The following UNC80 variants were observed in gnomAD, a reference collection of about 807,000 sequenced individuals.
The protein encoded by UNC80 is protein unc-80 homolog.
UNC80 carries 164 observed loss-of-function variants against 384.6 expected under a neutral mutation model. The ratio of observed to expected loss-of-function variants is 0.43; its 90% CI spans 0.38 to 0.49. UNC80 has a LOEUF of 0.49. Ranked by LOEUF, UNC80 falls within the 20% of genes least tolerant of loss-of-function variation. UNC80 has a pLI of 0.00. For synonymous variants in UNC80, 1,486 were observed against 1,527.8 expected (o/e 0.97, Z 0.64); for missense variants, 3,330 against 4,143.0 (o/e 0.80, Z 5.39).
chr2:209,812,216 ATTTTT>A (rs796729702), intron 7 of UNC80, among the ~76,000 whole-genome samples: 2 of 137,602 alleles, frequency 1.5e-5, no homozygotes, highest in African/African-American at 5.3e-5. Flanking sequence ...AGAGCGGCTA[ATTTTT>A]TTTTTTTTTT....
chr2:209,800,074 G>T (rs2078440567), intron 7 of UNC80, among the ~76,000 whole-genome samples: 3 of 152,126 alleles, frequency 2.0e-5, no homozygotes, highest in South Asian at 2.1e-4. Flanking sequence ...GATGATGCTG[G>T]CTTCATAAAT....
At chr2:209,934,123 T>C (rs774550231) in intron 39 of UNC80, 118 bp downstream of exon 39, 5 of 990,938 alleles carry the variant, frequency 5.0e-6, no homozygotes, top group Non-Finnish European at 5.7e-6. Context: ...ACCCCCAGTA[T>C]TGAGTGCTTC....
At chr2:209,946,382 AG>A (rs2091918423) in intron 47 of UNC80, among the ~76,000 whole-genome samples, 1 of 150,792 alleles carries the variant, frequency 6.6e-6, no homozygotes, top group African/African-American at 2.4e-5. Flanking sequence ...AAAAAAAAAA[AG>A]AAAGAAAGAA....
rs1156428874 is a variant in UNC80 at position 209,955,738 on chromosome 2, TACAC to T, written c.7457+1486_7457+1489del. The stretch of plus-strand genomic sequence containing the variant: ...ATATATATATATATATATATATATA[TACAC>T]ACACACACACACACACAGAGAGAGA... On this transcript the variant is annotated intron_variant, in intron 48 of 64. Transcript: ENST00000673920. Among the ~76,000 whole-genome samples the T allele has an allele frequency of 5.5e-3, 293 of 53,326 alleles. 4 individuals carry two copies. Among genetic ancestry groups the T allele is most frequent in the African/African-American group, 8.7e-3 (85 of 9,756 alleles). 35.0% of individuals were successfully genotyped at this position (53,326 alleles called of 152,430 possible). A position where few individuals can be genotyped will look rare whatever the true frequency, so the allele number is the denominator to read the frequency against.
chr2:209,801,696 T>TG (rs975181294), intron 7 of UNC80, among the ~76,000 whole-genome samples: 2 of 150,326 alleles, frequency 1.3e-5, no homozygotes, highest in Non-Finnish European at 3.0e-5. Context: ...CTGCTTTTTT[T>TG]TTTTTTTTTT....
At chr2:209,907,082 A>C (rs1011211069) in intron 29 of UNC80, among the ~76,000 whole-genome samples, 10 of 152,174 alleles carry the variant, frequency 6.6e-5, no homozygotes, top group Non-Finnish European at 1.0e-4. Flanking sequence ...AGTGTTAAGC[A>C]CAGGGCCTAC....
intron 20 of UNC80, among the ~76,000 whole-genome samples, chr2:209,842,029 ACT>A (rs2081796399): frequency 6.6e-6 from 1 of 152,202 alleles, no homozygotes; most frequent in Non-Finnish European, 1.5e-5. Flanking sequence ...GTAAAGAATG[ACT>A]ATGTCTCGCT....
intron 22 of UNC80, among the ~76,000 whole-genome samples, chr2:209,866,484 GCACCCCCACACACACA>G (rs1343879913): frequency 3.0e-4 from 23 of 76,168 alleles, no homozygotes; most frequent in African/African-American, 1.0e-3. Context: ...AATACAAAAT[GCACCCCCACACACACA>G]CACACACACA....
chr2:209,898,259 G>C (rs894522742), intron 28 of UNC80, among the ~76,000 whole-genome samples: 27 of 151,702 alleles, frequency 1.8e-4, no homozygotes, highest in African/African-American at 6.5e-4. Context: ...CTTTTTTTGA[G>C]TTTAATTTGT....
chr2:209,771,920 GA>G lies in UNC80; in HGVS notation c.-152del. 3.1e-6 allele frequency: 2 copies of G among 638,420 alleles called. No individual in the cohort carries two copies. Among genetic ancestry groups the G allele is most frequent in the Non-Finnish European group, 5.9e-6 (2 of 341,638 alleles). The allele number at this position is 638,420 out of a possible 1,614,324, so 39.5% of individuals were successfully genotyped here. ...TTCCACGCGCGGGGAGGGGTGGGGG[GA>G]GGGGAGAGGCACGGGGGATCAGGGC... On this transcript the variant is annotated 5_prime_UTR_variant, in exon 1 of 65. The change abolishes the stop of an existing upstream ORF in the 5' untranslated region. Transcript: ENST00000673920.
chr2:209,914,649 CTGTGTG>C (rs200222549), intron 31 of UNC80, among the ~76,000 whole-genome samples: 10 of 128,404 alleles, frequency 7.8e-5, no homozygotes, highest in Non-Finnish European at 1.2e-4. Context: ...CTAGGGTAAA[CTGTGTG>C]TGTGTGTGTG....
intron 6 of UNC80, among the ~76,000 whole-genome samples, chr2:209,792,696 G>A (rs1385762932): frequency 1.3e-5 from 2 of 152,120 alleles, no homozygotes; most frequent in East Asian, 1.9e-4. Flanking sequence ...ATAATTAGGG[G>A]TTAAAAAGAA....
chr2:209,953,296 T>G (rs868523788), intron 47 of UNC80, among the ~76,000 whole-genome samples: 7 of 151,074 alleles, frequency 4.6e-5, no homozygotes, highest in African/African-American at 2.4e-5. Context: ...TGAATGCCTA[T>G]AATCCCAGCT....
chr2:209,817,085 G>A lies in UNC80; in HGVS notation c.1512G>A (p.Arg504=), dbSNP rs2079795029. Residue 504 remains arginine (R), a synonymous_variant, in exon 10 of 65, where the codon AGG becomes AGA. Coordinates refer to ENST00000673920, the MANE Select transcript of UNC80 (RefSeq NM_001371986.1). Reference sequence around the variant, plus strand: ...GTTTCTCTGGGCTGGGAGAAGACAGGCGAGGAATTGAGAAAGGAGGCTGGC... The same window carrying A: ...GTTTCTCTGGGCTGGGAGAAGACAGACGAGGAATTGAGAAAGGAGGCTGGC... ...FGSFSGLGED[R]RGIEKGGWQT... 3.2e-6 allele frequency: 5 copies of A among 1,551,640 alleles called. No homozygotes were observed. In the South Asian group the frequency reaches 4.8e-5, roughly 15 times the overall value.
chr2:209,831,801 T>G (rs1371678674), intron 16 of UNC80, among the ~76,000 whole-genome samples: 2 of 152,192 alleles, frequency 1.3e-5, no homozygotes, highest in Non-Finnish European at 2.9e-5. Flanking sequence ...TATTTGCAAA[T>G]TCAGCTATCT....
Position 209,954,245 on chromosome 2 carries a change from T to G in UNC80, c.7432T>G (p.Leu2478Val). The change falls in exon 48 of 65, where the codon TTG becomes GTG. Residue 2478 changes from leucine (L) to valine (V), a missense_variant. By Grantham distance (32) the Leu-to-Val change is conservative. Around this residue, in one of 8 missense-constraint regions of UNC80, gnomAD observed 1,049 missense variants for 1,488.6 expected, o/e 0.70. Transcript: ENST00000673920. ...AALATSLQAL[L>V]YSVEVLTRPM... ...TCTTGCGACGTCCCTACAGGCCCTTTTGTACAGTGTAGAGGTCCTCACCAG... is the reference window on the plus strand; with the variant it reads ...TCTTGCGACGTCCCTACAGGCCCTTGTGTACAGTGTAGAGGTCCTCACCAG... The G allele has an allele frequency of 6.4e-7, 1 of 1,550,908 alleles. No homozygotes were observed. Among genetic ancestry groups the G allele is most frequent in the Middle Eastern group, 1.8e-4 (1 of 5,706 alleles).
intron 12 of UNC80, among the ~76,000 whole-genome samples, chr2:209,819,858 G>A (rs753318505): frequency 1.3e-5 from 2 of 152,116 alleles, no homozygotes; most frequent in Non-Finnish European, 2.9e-5. Flanking sequence ...TACTTTAAAT[G>A]AAATATGAAT....
intron 7 of UNC80, 27 bp downstream of exon 7, chr2:209,793,886 A>T (rs1271721869): frequency 1.2e-6 from 2 of 1,611,178 alleles, no homozygotes; most frequent in African/African-American, 2.7e-5. Flanking sequence ...TTAGGGACAA[A>T]ATGTGTCACT....
At chr2:209,840,453 C>T (rs1282892076) in intron 19 of UNC80, 89 bp from the exon 20 acceptor site, 4 of 1,089,550 alleles carry the variant, frequency 3.7e-6, no homozygotes, top group African/African-American at 3.2e-5. Flanking sequence ...ATGTAACTTT[C>T]ATCGCTTGTT....
Sources: allele counts gnomAD v4.1 joint callset (sites outside exome capture counted in the v4.1 genomes callset), GRCh38; gene constraint gnomAD v4.1.1; regional missense constraint gnomAD v4.1.1; transcripts MANE v1.5; gene names NCBI Gene and HGNC (gene_info 2026-07-23, HGNC 2026-07-21).